Variants in C12orf75 observed in about 807,000 individuals in gnomAD.
The protein encoded by C12orf75 is overexpressed in colon carcinoma 1 protein.
A neutral mutation model predicts 11.4 loss-of-function variants in C12orf75; 4 were observed. The observed-to-expected ratio is 0.35, with a 90% CI of 0.17 to 0.80. The LOEUF is 0.80. C12orf75 is among the 30% of genes least tolerant of loss of function. The probability of loss-of-function intolerance (pLI) is 0.52; values close to 1 mark genes in which losing one functional copy is unlikely to be tolerated. For synonymous variants in C12orf75, 30 were observed against 30.0 expected (o/e 1.00, Z 0.00); for missense variants, 89 against 80.4 (o/e 1.11, Z -0.41).
At chr12:105,341,250 A>G (rs1270942332) in intron 1 of C12orf75, among the ~76,000 whole-genome samples, 1 of 152,148 alleles carries the variant, frequency 6.6e-6, no homozygotes, top group African/African-American at 2.4e-5. Flanking sequence ...AACCTTAACC[A>G]CTACTAGGAC....
intron 1 of C12orf75, among the ~76,000 whole-genome samples, chr12:105,338,318 G>A (rs1341702013): frequency 6.6e-6 from 1 of 152,120 alleles, no homozygotes; most frequent in African/African-American, 2.4e-5. Flanking sequence ...GGGATTACAG[G>A]CATGCACCAC....
chr12:105,338,959 C>T (rs1892532109), intron 1 of C12orf75, among the ~76,000 whole-genome samples: 1 of 152,126 alleles, frequency 6.6e-6, no homozygotes, highest in Non-Finnish European at 1.5e-5. Context: ...ATAAGAGCTT[C>T]CATTTTCATT....
chr12:105,353,501 A>C (rs1167580691), intron 2 of C12orf75: 2 of 152,012 alleles, frequency 1.3e-5, no homozygotes, highest in African/African-American at 4.8e-5. Context: ...CATCAGCCCC[A>C]CCTTACCATA....
chr12:105,369,636 T>A (rs992578067), intron 5 of C12orf75, among the ~76,000 whole-genome samples: 4 of 151,892 alleles, frequency 2.6e-5, no homozygotes, highest in Non-Finnish European at 5.9e-5. Context: ...CAGGCCCCGC[T>A]GTGTGATGTT....
chr12:105,368,788 G>A (rs1489815306), intron 5 of C12orf75, among the ~76,000 whole-genome samples: 2 of 152,126 alleles, frequency 1.3e-5, no homozygotes, highest in Admixed American at 1.3e-4. Context: ...AACAATCTGT[G>A]GGTAGCTACT....
At chr12:105,331,056 A>G (rs1046567772) in intron 1 of C12orf75, 119 bp downstream of exon 1, 3 of 606,120 alleles carry the variant, frequency 4.9e-6, no homozygotes, top group Admixed American at 4.5e-5. Flanking sequence ...CATTTTCGGG[A>G]CAGGAGCAGA....
At chr12:105,356,438 G>GTTT (rs1288538503) in intron 2 of C12orf75, among the ~76,000 whole-genome samples, 3 of 83,098 alleles carry the variant, frequency 3.6e-5, no homozygotes, top group African/African-American at 4.5e-5. Context: ...AAGACTACAG[G>GTTT]CTTTTTTTTT....
intron 2 of C12orf75, among the ~76,000 whole-genome samples, chr12:105,356,834 A>T (rs1402696705): frequency 6.6e-6 from 1 of 152,240 alleles, no homozygotes; most frequent in African/African-American, 2.4e-5. Flanking sequence ...TTCATATTTT[A>T]TGTATTAACT....
intron 1 of C12orf75, among the ~76,000 whole-genome samples, chr12:105,342,450 C>T (rs575436026): frequency 6.6e-6 from 1 of 152,354 alleles, no homozygotes; most frequent in Admixed American, 6.5e-5. Context: ...CAATCTTGGA[C>T]TTCCCAGCCT....
At chr12:105,340,511 G>A (rs892250920) in intron 1 of C12orf75, among the ~76,000 whole-genome samples, 15 of 151,144 alleles carry the variant, frequency 9.9e-5, no homozygotes, top group African/African-American at 3.4e-4. Context: ...ATAAAGTTCC[G>A]TTTGTGTCGT....
chr12:105,356,438 G>GTTTTTTT (rs1288538503), intron 2 of C12orf75, among the ~76,000 whole-genome samples: 3 of 83,102 alleles, frequency 3.6e-5, no homozygotes, highest in South Asian at 3.9e-4. Context: ...AAGACTACAG[G>GTTTTTTT]CTTTTTTTTT....
chr12:105,343,783 C>G (rs1892602899), intron 1 of C12orf75, among the ~76,000 whole-genome samples: 1 of 151,792 alleles, frequency 6.6e-6, no homozygotes, highest in Non-Finnish European at 1.5e-5. Context: ...TGGTTACAAG[C>G]TTCTCAGTAA....
chr12:105,355,189 T>TC lies in C12orf75; in HGVS notation c.71+6563_71+6564insC, dbSNP rs200562517. On this transcript the variant is annotated intron_variant, in intron 2 of 5. Transcript: ENST00000443585. ...TTTTCTTTTTCTTTTTCTTTTTTTT[T>TC]TTCAGAGTTTTGCTCTCTTGCCCAG... is the stretch of plus-strand genomic sequence containing the variant. Among the ~76,000 whole-genome samples the TC allele has an allele frequency of 1.3e-4, 18 of 139,556 alleles. 1 individual carries two copies. Among genetic ancestry groups the TC allele is most frequent in the South Asian group, 9.6e-4 (4 of 4,168 alleles). The allele number at this position is 139,556 out of a possible 152,430, so 91.6% of individuals were successfully genotyped here.
At chr12:105,362,929 T>A (rs1892893818) in intron 2 of C12orf75, among the ~76,000 whole-genome samples, 1 of 152,254 alleles carries the variant, frequency 6.6e-6, no homozygotes, top group South Asian at 2.1e-4. Flanking sequence ...AAGTGCCTAG[T>A]ATAGTTACAC....
At chr12:105,338,017 A>G (rs1204891917) in intron 1 of C12orf75, among the ~76,000 whole-genome samples, 1 of 152,196 alleles carries the variant, frequency 6.6e-6, no homozygotes, top group East Asian at 1.9e-4. Context: ...AGTCAGTTAT[A>G]TTAAATTTCT....
At position 105,330,729 on chromosome 12, in the gene C12orf75, GC is replaced by G; in HGVS notation, c.-161del. 1.6e-6 allele frequency: 1 copy of G among 609,840 alleles called. No individual in the cohort carries two copies. The highest frequency in any genetic ancestry group is 2.2e-6 in the Non-Finnish European group (1 of 444,500). The allele number at this position is 609,840 out of a possible 1,614,324, so 37.8% of individuals were successfully genotyped here. A position where few individuals can be genotyped will look rare whatever the true frequency, so the allele number is the denominator to read the frequency against. On this transcript the variant is annotated 5_prime_UTR_variant, in exon 1 of 6. Transcript: ENST00000443585. The stretch of plus-strand genomic sequence containing the variant: ...CAGCCCGCAGCCCGCTGCGCCCCGG[GC>G]CGCGTCTCCCGGCGGTGGGAGGGGG...
intron 4 of C12orf75, among the ~76,000 whole-genome samples, 197 bp from the exon 5 acceptor site, chr12:105,367,275 A>G (rs989659589): frequency 6.6e-6 from 1 of 152,226 alleles, no homozygotes; most frequent in Non-Finnish European, 1.5e-5. Flanking sequence ...TTAAATGACT[A>G]TTAACATGTT....
intron 1 of C12orf75, among the ~76,000 whole-genome samples, chr12:105,335,127 A>G (rs1287389388): frequency 6.6e-6 from 1 of 152,210 alleles, no homozygotes; most frequent in Middle Eastern, 3.2e-3. Context: ...TTTCCATAAT[A>G]GTTTTCTGCT....
intron 2 of C12orf75, among the ~76,000 whole-genome samples, chr12:105,355,103 G>T (rs1384662876): frequency 5.3e-5 from 8 of 152,014 alleles, no homozygotes; most frequent in Non-Finnish European, 5.9e-5. Flanking sequence ...AAGTTGTTGG[G>T]ATAGAGGAAG....
Sources: allele counts gnomAD v4.1 joint callset (sites outside exome capture counted in the v4.1 genomes callset), GRCh38; gene constraint gnomAD v4.1.1; transcripts MANE v1.5; gene names NCBI Gene and HGNC (gene_info 2026-07-23, HGNC 2026-07-21).